RABL6: variants seen among roughly 807,000 people sequenced by gnomAD.
The protein encoded by RABL6 is RAB, member RAS oncogene family like 6.
RABL6 carries 28 observed loss-of-function variants against 72.9 expected under a neutral mutation model. That is an observed-to-expected ratio of 0.38 (90% CI 0.28 to 0.53). The LOEUF is 0.53. Among genes scored for constraint, RABL6 ranks in the 20% least tolerant of loss-of-function variants. RABL6 has a pLI of 0.80. For missense variants in RABL6, 1,029 were observed against 1,008.4 expected (o/e 1.02, Z -0.28); for synonymous variants, 477 against 421.2 (o/e 1.13, Z -1.62).
chr9:136,816,227 C>T (rs1848116300), intron 1 of RABL6, among the ~76,000 whole-genome samples: 2 of 152,126 alleles, frequency 1.3e-5, no homozygotes. Context: ...ACCTCAGCCT[C>T]CTGAGTAGCT....
At chr9:136,816,083 A>C (rs1286125876) in intron 1 of RABL6, among the ~76,000 whole-genome samples, 5 of 152,140 alleles carry the variant, frequency 3.3e-5, no homozygotes, top group South Asian at 4.1e-4. Context: ...AGATCAAGGG[A>C]CCAGCAGGAG....
intron 5 of RABL6, among the ~76,000 whole-genome samples, chr9:136,829,793 G>A (rs1055707070): frequency 6.6e-6 from 1 of 152,274 alleles, no homozygotes; most frequent in African/African-American, 2.4e-5. Flanking sequence ...GCGGAAGCAA[G>A]TGGCTGCTTG....
chr9:136,817,018 G>A (rs766953462), intron 1 of RABL6, among the ~76,000 whole-genome samples: 7 of 152,158 alleles, frequency 4.6e-5, no homozygotes, highest in Non-Finnish European at 1.0e-4. Context: ...CCCATGATAT[G>A]TGCAATTATT....
In RABL6 at chr9:136,839,498, C is replaced by T. The variant is rs1266590607; in HGVS notation, c.1758+12C>T. 9 of 1,601,468 alleles carry T rather than the reference C, an allele frequency of 5.6e-6. No individual in the cohort carries two copies. Among genetic ancestry groups the T allele is most frequent in the Middle Eastern group, 1.7e-4 (1 of 6,030 alleles). ...CACAGCGCAGGGCGGTAAGACGAGT[C>T]CTCCCGGGGCAGAGGTCAGCCAGGT... On this transcript the variant is annotated intron_variant, in intron 12 of 14. Transcript: ENST00000311502.
chr9:136,808,837 G>A (rs1847935538), intron 1 of RABL6: 1 of 52,938 alleles, frequency 1.9e-5, no homozygotes, highest in South Asian at 6.7e-4. Flanking sequence ...ACACATTCTC[G>A]CCTTTTTTTT....
chr9:136,837,217 TG>T, intron 8 of RABL6, 128 bp from the exon 9 acceptor site: 1 of 1,070,750 alleles, frequency 9.3e-7, no homozygotes, highest in Non-Finnish European at 1.4e-6. Flanking sequence ...ATGGCCTCTG[TG>T]GGGCGGGTGG....
chr9:136,815,702 G>A (rs915796364), intron 1 of RABL6, among the ~76,000 whole-genome samples: 23 of 152,324 alleles, frequency 1.5e-4, no homozygotes, highest in Middle Eastern at 3.4e-3. Flanking sequence ...CTGGTTAGGA[G>A]TTAAACCTTC....
In RABL6 at chr9:136,826,999, C is replaced by T. The variant is rs575908307; in HGVS notation, c.313+1173C>T. The stretch of plus-strand genomic sequence containing the variant: ...GTCTCCACGGCTTAGGATGGGCCCC[C>T]CCTTCCTGGTGGCCTGCTGTGCCCG... On this transcript the variant is annotated intron_variant, in intron 3 of 14. Coordinates refer to ENST00000311502, the MANE Select transcript of RABL6 (RefSeq NM_024718.5). This position sits in a 1 kb window ranked among gnomAD's most constrained non-coding sequence, Gnocchi z 4.9. 89 of 152,578 alleles carry T rather than the reference C, an allele frequency of 5.8e-4. 1 individual carries two copies. Among genetic ancestry groups the T allele is most frequent in the South Asian group, 1.0e-3 (5 of 4,822 alleles). 9.5% of individuals were successfully genotyped at this position (152,578 alleles called of 1,614,324 possible). A position where few individuals can be genotyped will look rare whatever the true frequency, so the allele number is the denominator to read the frequency against.
intron 7 of RABL6, chr9:136,833,841 A>C (rs1040966214): frequency 2.6e-6 from 4 of 1,550,400 alleles, no homozygotes; most frequent in Non-Finnish European, 3.5e-6. Context: ...GGCGGCAGTC[A>C]GACTTGTCCT....
intron 1 of RABL6, chr9:136,821,307 CTCTCCGCGT>C (rs1848231505): frequency 1.0e-6 from 1 of 984,054 alleles, no homozygotes. Flanking sequence ...CGTCTCTGCG[CTCTCCGCGT>C]TGCTAACGCC....
intron 7 of RABL6, chr9:136,832,950 C>A: frequency 3.0e-6 from 1 of 335,300 alleles, no homozygotes; most frequent in Non-Finnish European, 5.8e-6. Flanking sequence ...CCTCCTCGCC[C>A]TGGGCTGCCC....
chr9:136,834,209 C>CT (rs1848541198), intron 7 of RABL6: 1 of 1,219,818 alleles, frequency 8.2e-7, no homozygotes, highest in Non-Finnish European at 1.0e-6. Flanking sequence ...AAACACATCT[C>CT]TAAAAAAATC....
At chr9:136,840,239 GCCAGGACTGGGTGGCATGCGGTCCTGGGA>G in intron 14 of RABL6, 27 bp downstream of exon 14, 1 of 1,612,712 alleles carries the variant, frequency 6.2e-7, no homozygotes, top group Non-Finnish European at 8.5e-7. Flanking sequence ...TTCCTGGCAG[GCCAGGACTGGGTGGCATGCGGTCCTGGGA>G]CCAGGGCTGT....
chr9:136,817,085 CAG>C (rs1848134736), intron 1 of RABL6, among the ~76,000 whole-genome samples: 3 of 152,194 alleles, frequency 2.0e-5, no homozygotes, highest in South Asian at 2.1e-4. Flanking sequence ...GAAAAAGAAA[CAG>C]AATGAAAACC....
In RABL6 at chr9:136,826,428, G is replaced by A. The variant is rs1213990468; in HGVS notation, c.313+602G>A. Among the ~76,000 whole-genome samples the A allele has an allele frequency of 1.3e-5, 2 of 152,232 alleles. No homozygotes were observed. Among genetic ancestry groups the A allele is most frequent in the African/African-American group, 2.4e-5 (1 of 41,572 alleles). On this transcript the variant is annotated intron_variant, in intron 3 of 14. Coordinates refer to ENST00000311502, the MANE Select transcript of RABL6 (RefSeq NM_024718.5). The surrounding 1 kb of genome is among the most constrained non-coding windows in gnomAD (Gnocchi z 4.9). ...TGTGTGCAGGGCTGGCCACGTGCAC[G>A]CCCCGGCCTCACAGGCCTGGCTGTG... is the stretch of plus-strand genomic sequence containing the variant.
At chr9:136,814,132 A>T in intron 1 of RABL6, 1 of 327,210 alleles carries the variant, frequency 3.1e-6, no homozygotes, top group South Asian at 2.9e-5. Context: ...TGTCATACCC[A>T]TTCTGACATC....
At position 136,839,433 on chromosome 9, in the gene RABL6, G is replaced by A. The variant is rs374421655; in HGVS notation, c.1705G>A (p.Val569Ile). ...GPIAAQMLSF[V>I]MDDPDFESEG... ...CATTGCTGCACAAATGCTGTCCTTC[G>A]TCATGGATGACCCCGACTTTGAGAG... Residue 569 changes from valine (V) to isoleucine (I), a missense_variant, in exon 12 of 15, where the codon GTC (valine) becomes ATC (isoleucine). Transcript: ENST00000311502. The A allele has an allele frequency of 4.2e-5, 67 of 1,612,490 alleles. No homozygotes were observed. The highest frequency in any genetic ancestry group is 1.9e-4 in the African/African-American group (14 of 74,912).
chr9:136,823,634 C>T lies in RABL6; in HGVS notation c.240C>T (p.Val80=). ...ACATCCCCACACAGGAGATCCAGGTCACCAGCATCCACTGGAGCTACAAGA... is the reference window on the plus strand; with the variant it reads ...ACATCCCCACACAGGAGATCCAGGTTACCAGCATCCACTGGAGCTACAAGA... ...EEYIPTQEIQ[V]TSIHWSYKTT... The change falls in exon 2 of 15, where the codon GTC becomes GTT. Residue 80 remains valine, a synonymous_variant. Transcript: ENST00000311502. The T allele has an allele frequency of 1.2e-6, 2 of 1,612,652 alleles. No homozygotes were observed. Among genetic ancestry groups the T allele is most frequent in the East Asian group, 2.2e-5 (1 of 44,842 alleles).
intron 8 of RABL6, chr9:136,836,232 C>T: frequency 4.8e-6 from 1 of 206,684 alleles, no homozygotes; most frequent in East Asian, 1.3e-4. Context: ...GTTGAAGAGG[C>T]ATACAGGCCA....
Sources: gnomAD v4.1 joint callset for allele counts (sites outside exome capture counted in the v4.1 genomes callset) on GRCh38, gnomAD v4.1.1 for gene constraint, Gnocchi (gnomAD v3.1) non-coding constraint, MANE v1.5 for transcripts, NCBI Gene and HGNC (gene_info 2026-07-23, HGNC 2026-07-21) for gene names.